AP2A1: variants seen among roughly 807,000 people sequenced by gnomAD.
AP2A1 encodes adaptor related protein complex 2 subunit alpha 1, also known as AP-2 complex subunit alpha-1.
In AP2A1, 21 loss-of-function variants were observed where a neutral mutation model predicts 107.3. The ratio of observed to expected loss-of-function variants is 0.20; its 90% CI spans 0.14 to 0.28. AP2A1 has a LOEUF of 0.28. AP2A1 is among the 10% of genes least tolerant of loss of function. The pLI is 1.00. For synonymous variants in AP2A1, 602 were observed against 564.8 expected (o/e 1.07, Z -0.93); for missense variants, 873 against 1,307.7 (o/e 0.67, Z 5.13).
chr19:49,769,760 A>G (rs2084538460), intron 1 of AP2A1, among the ~76,000 whole-genome samples: 1 of 152,164 alleles, frequency 6.6e-6, no homozygotes, highest in South Asian at 2.1e-4. Flanking sequence ...GTGAGAACAG[A>G]TTCTAGAGGT....
chr19:49,784,291 G>A (rs1165722787), intron 4 of AP2A1, among the ~76,000 whole-genome samples: 1 of 152,194 alleles, frequency 6.6e-6, no homozygotes, highest in Admixed American at 6.5e-5. Context: ...GCCAGGTGTG[G>A]TGGCACATGC....
At position 49,781,772 on chromosome 19, in the gene AP2A1, C is replaced by T. The variant is rs1407640650; in HGVS notation, c.83C>T (p.Ala28Val). The T allele has an allele frequency of 3.1e-6, 5 of 1,599,708 alleles. No individual in the cohort carries two copies. The highest frequency in any genetic ancestry group is 2.7e-5 in the African/African-American group (2 of 74,508). Residue 28 changes from alanine (A) to valine (V), a missense_variant, in exon 2 of 23, where the codon GCG becomes GTG. Physicochemically the swap from Ala to Val is moderately conservative, Grantham distance 64. Coordinates refer to ENST00000354293, the MANE Select transcript of AP2A1 (RefSeq NM_130787.3). ...SDIRNCKSKEAEIKRINKELA... is the reference protein window; with the variant it reads ...SDIRNCKSKEVEIKRINKELA... ...CCTCTCCCAGGTAAGAGCAAAGAGGCGGAAATTAAGAGAATCAACAAGGAA... is the reference window on the plus strand; with the variant it reads ...CCTCTCCCAGGTAAGAGCAAAGAGGTGGAAATTAAGAGAATCAACAAGGAA...
rs141537117 is a variant in AP2A1, at chr19:49,769,994, C to T, written c.67+2794C>T. On this transcript the variant is annotated intron_variant, in intron 1 of 22. Coordinates refer to ENST00000354293, the MANE Select transcript of AP2A1 (RefSeq NM_130787.3). Reference sequence around the variant, plus strand: ...AGCAATTCTCGTGCCTCAGCCTCCCCGGTAGCTGGGATTACAGGCACCCGC... The same window carrying T: ...AGCAATTCTCGTGCCTCAGCCTCCCTGGTAGCTGGGATTACAGGCACCCGC... 9.1e-3 allele frequency among the ~76,000 whole-genome samples: 1,385 copies of T among 152,116 alleles called. 16 individuals carry two copies. Among genetic ancestry groups the T allele is most frequent in the African/African-American group, 0.031 (1,298 of 41,494 alleles).
intron 4 of AP2A1, among the ~76,000 whole-genome samples, chr19:49,791,516 C>T (rs1042364332): frequency 6.6e-6 from 1 of 152,156 alleles, no homozygotes; most frequent in African/African-American, 2.4e-5. Context: ...CGTGAGCCAC[C>T]ATGCCCAGCC....
chr19:49,806,204 C>A lies in AP2A1; in HGVS notation c.2741C>A (p.Ala914Asp). ...GGGGCGGGGATCATCCAGACTAAAG[C>A]CCTGCAGGTGGGCTGTCTGCTTCGG... ...FVGAGIIQTK[A>D]LQVGCLLRLE... The change falls in exon 22 of 23, where the codon GCC becomes GAC. Residue 914 changes from alanine (A) to aspartate (D), a missense_variant. Around this residue, in one of 4 missense-constraint regions of AP2A1, gnomAD observed 416 missense variants for 473.4 expected, o/e 0.88. Transcript: ENST00000354293. The A allele has an allele frequency of 6.2e-7, 1 of 1,603,862 alleles. No homozygotes were observed. The highest frequency in any genetic ancestry group is 8.5e-7 in the Non-Finnish European group (1 of 1,175,572).
Position 49,801,820 on chromosome 19 carries a change from G to T in AP2A1, c.1884G>T (p.Leu628=). The part of the protein sequence containing the change: ...RKKGPGAGSA[L]DDGRRDPSSN... ...AGGGGCCAGGGGCCGGCAGCGCCCTGGACGATGGCCGGAGGGACCCCAGCA... is the reference window on the plus strand; with the variant it reads ...AGGGGCCAGGGGCCGGCAGCGCCCTTGACGATGGCCGGAGGGACCCCAGCA... The change falls in exon 14 of 23, where the codon CTG becomes CTT. Residue 628 remains leucine, a synonymous_variant. Transcript: ENST00000354293. The T allele has an allele frequency of 6.5e-7, 1 of 1,535,260 alleles. No individual in the cohort carries two copies. The highest frequency in any genetic ancestry group is 8.7e-7 in the Non-Finnish European group (1 of 1,144,470).
At chr19:49,797,814 G>A (rs2073230409) in intron 7 of AP2A1, among the ~76,000 whole-genome samples, 1 of 152,058 alleles carries the variant, frequency 6.6e-6, no homozygotes, top group Non-Finnish European at 1.5e-5. Context: ...AGGCTCAGTG[G>A]CTAACACTGT....
chr19:49,787,600 C>G (rs994561800), intron 4 of AP2A1, among the ~76,000 whole-genome samples: 1 of 151,756 alleles, frequency 6.6e-6, no homozygotes. Context: ...CCATCTGCCT[C>G]AGCCTCCCAA....
chr19:49,806,008 T>C, intron 21 of AP2A1, 67 bp downstream of exon 21: 1 of 1,612,378 alleles, frequency 6.2e-7, no homozygotes, highest in Non-Finnish European at 8.5e-7. Context: ...TGTTTTCCCA[T>C]CTGTAAAGTG....
intron 1 of AP2A1, among the ~76,000 whole-genome samples, chr19:49,775,555 T>C (rs1449958429): frequency 6.6e-6 from 1 of 152,166 alleles, no homozygotes; most frequent in Admixed American, 6.5e-5. Flanking sequence ...CCTCAAGTGA[T>C]CCACCTGCCT....
Position 49,806,066 on chromosome 19 carries a change from G to C in AP2A1, c.2656-53G>C, listed in dbSNP as rs373529824. 1.3e-4 allele frequency: 207 copies of C among 1,598,842 alleles called. 2 individuals carry two copies. The South Asian group carries it at 2.1e-3, about 16-fold the overall frequency. On this transcript the variant is annotated intron_variant, in intron 21 of 22. Transcript: ENST00000354293. Reference sequence around the variant, plus strand: ...GTTTTTTGGGATCTGGGATGCCACTGTGTGGTAACTAACAGCTCTGGCACA... The same window carrying C: ...GTTTTTTGGGATCTGGGATGCCACTCTGTGGTAACTAACAGCTCTGGCACA...
At chr19:49,793,921 T>TC (rs1317732843) in intron 6 of AP2A1, among the ~76,000 whole-genome samples, 1 of 144,224 alleles carries the variant, frequency 6.9e-6, no homozygotes, top group East Asian at 2.0e-4. Context: ...TTTTTTTTTT[T>TC]TTTTGAGACG....
chr19:49,781,883 C>T (rs1216174864), intron 2 of AP2A1, 58 bp downstream of exon 2: 1 of 1,607,796 alleles, frequency 6.2e-7, no homozygotes. Flanking sequence ...AGCTGGGGCT[C>T]CTGTGACCTA....
Position 49,806,749 on chromosome 19 carries a change from G to C in AP2A1, c.2859G>C (p.Gln953His). 6.2e-7 allele frequency: 1 copy of C among 1,613,824 alleles called. No individual in the cohort carries two copies. The highest frequency in any genetic ancestry group is 8.5e-7 in the Non-Finnish European group (1 of 1,179,874). Residue 953 changes from glutamine to histidine, a missense_variant, in exon 23 of 23, where the codon CAG becomes CAC. Gln to His is a conservative substitution (Grantham distance 24). Transcript: ENST00000354293. ...GTCACCTGTGTGAGCTGCTGGCACA[G>C]CAGTTCTGAGCCCTGGACTCTGCCC... ...VSRHLCELLA[Q>H]QF
intron 1 of AP2A1, among the ~76,000 whole-genome samples, chr19:49,770,224 G>C (rs1210273858): frequency 1.3e-5 from 2 of 152,086 alleles, no homozygotes; most frequent in Admixed American, 1.3e-4. Flanking sequence ...TTGATGATGG[G>C]GGTTGGGGAA....
At chr19:49,779,084 C>T (rs1316815133) in intron 1 of AP2A1, among the ~76,000 whole-genome samples, 1 of 151,116 alleles carries the variant, frequency 6.6e-6, no homozygotes, top group African/African-American at 2.4e-5. Flanking sequence ...CTCCTGTAAT[C>T]CCAACACTTT....
At chr19:49,793,387 C>T (rs1463008752) in intron 6 of AP2A1, among the ~76,000 whole-genome samples, 2 of 152,192 alleles carry the variant, frequency 1.3e-5, no homozygotes, top group East Asian at 1.9e-4. Context: ...GCGGGCCGAG[C>T]ACCCCGGGAG....
intron 18 of AP2A1, 143 bp downstream of exon 18, chr19:49,803,519 T>G: frequency 1.4e-6 from 1 of 693,406 alleles, no homozygotes. Context: ...TGTCTGCATC[T>G]GTTAAGATGG....
At chr19:49,789,008 T>C (rs1321278220) in intron 4 of AP2A1, among the ~76,000 whole-genome samples, 1 of 151,974 alleles carries the variant, frequency 6.6e-6, no homozygotes, top group African/African-American at 2.4e-5. Flanking sequence ...CACACGAGGG[T>C]TCCCAGCACT....
Sources: gnomAD v4.1 joint callset for allele counts (sites outside exome capture counted in the v4.1 genomes callset) on GRCh38, gnomAD v4.1.1 for gene constraint, gnomAD v4.1.1 regional missense constraint, MANE v1.5 for transcripts, NCBI Gene and HGNC (gene_info 2026-07-23, HGNC 2026-07-21) for gene names.